The following DYM variants were observed in gnomAD, a reference collection of about 807,000 sequenced individuals.
DYM encodes the protein dyggve-Melchior-Clausen syndrome protein.
DYM carries 78 observed loss-of-function variants against 93.1 expected under a neutral mutation model. The ratio of observed to expected loss-of-function variants is 0.84; its 90% CI spans 0.70 to 1.01. The LOEUF (loss-of-function observed/expected upper bound fraction) is 1.01. DYM is among the 50% of genes least tolerant of loss of function. The probability of loss-of-function intolerance (pLI) is 0.00; values close to 1 mark genes in which losing one functional copy is unlikely to be tolerated. For synonymous variants in DYM, 321 were observed against 319.7 expected, an observed-to-expected ratio of 1.00 and a Z score of -0.04; for missense variants, 789 against 845.0, an observed-to-expected ratio of 0.93 and a Z score of 0.82.
At chr18:49,215,397 G>A (rs2092984673) in intron 13 of DYM, among the ~76,000 whole-genome samples, 1 of 152,182 alleles carries the variant, frequency 6.6e-6, no homozygotes, top group Non-Finnish European at 1.5e-5. Context: ...ATTGAGAATT[G>A]CTGGTGCATG....
intron 17 of DYM, 105 bp from the exon 18 acceptor site, chr18:49,044,309 C>A (rs1272430897): frequency 2.4e-6 from 3 of 1,231,344 alleles, no homozygotes; most frequent in East Asian, 2.3e-5. Context: ...CCCACCCACC[C>A]CTGCCAACTG....
intron 8 of DYM, among the ~76,000 whole-genome samples, chr18:49,331,601 T>C (rs1401098591): frequency 6.6e-6 from 1 of 152,268 alleles, no homozygotes; most frequent in Non-Finnish European, 1.5e-5. Flanking sequence ...CTACAATTCA[T>C]GCAATACGCA....
At position 49,104,322 on chromosome 18, in the gene DYM, C is replaced by T. The variant is rs562217098; in HGVS notation, c.1912-6807G>A. Among the ~76,000 whole-genome samples the T allele has an allele frequency of 2.6e-4, 39 of 152,090 alleles. No homozygotes were observed. In the South Asian group the frequency reaches 3.1e-3, roughly 12 times the overall value. On this transcript the variant is annotated intron_variant, in intron 16 of 17. Coordinates refer to ENST00000675505, the MANE Select transcript of DYM (RefSeq NM_001353214.3). ...TTGAGGAGATTTTGGGCTGAGATGA[C>T]GGGGTTTTCTAGATATACAATCATG...
At chr18:49,147,072 C>T (rs2085241109) in intron 15 of DYM, among the ~76,000 whole-genome samples, 2 of 152,040 alleles carry the variant, frequency 1.3e-5, no homozygotes, top group South Asian at 4.2e-4. Flanking sequence ...CTTTGACAAA[C>T]CTGACAAAAA....
chr18:49,421,126 G>A (rs112037018), intron 2 of DYM, among the ~76,000 whole-genome samples: 26 of 152,322 alleles, frequency 1.7e-4, no homozygotes, highest in African/African-American at 5.8e-4. Context: ...AAATGTCCAT[G>A]TCTGACAGCT....
intron 15 of DYM, among the ~76,000 whole-genome samples, chr18:49,148,024 T>C (rs2144652452): frequency 6.6e-6 from 1 of 152,292 alleles, no homozygotes; most frequent in East Asian, 1.9e-4. Flanking sequence ...TAAAAAAGGA[T>C]GAGTTCATGT....
At chr18:49,382,508 T>A (rs1459551692) in intron 3 of DYM, among the ~76,000 whole-genome samples, 3 of 152,224 alleles carry the variant, frequency 2.0e-5, no homozygotes, top group Non-Finnish European at 4.4e-5. Context: ...TGATCACAGT[T>A]AATTGGTGCA....
intron 8 of DYM, among the ~76,000 whole-genome samples, chr18:49,293,274 G>T (rs965933722): frequency 1.3e-5 from 2 of 152,150 alleles, no homozygotes; most frequent in African/African-American, 2.4e-5. Flanking sequence ...GAATAGTGCT[G>T]CAGTAAACAT....
chr18:49,176,574 CTTTTTT>C (rs36121103), intron 14 of DYM, among the ~76,000 whole-genome samples: 4 of 99,438 alleles, frequency 4.0e-5, no homozygotes, highest in African/African-American at 1.7e-4. Flanking sequence ...CCAAGCCTGG[CTTTTTT>C]TTTTTTTTTT....
intron 17 of DYM, among the ~76,000 whole-genome samples, chr18:49,073,805 A>G (rs1430879661): frequency 6.6e-6 from 1 of 152,064 alleles, no homozygotes; most frequent in Non-Finnish European, 1.5e-5. Context: ...TTCTTCTTCC[A>G]TGGTTTTGGA....
chr18:49,442,100 T>C (rs185201847), intron 1 of DYM, among the ~76,000 whole-genome samples: 56 of 152,194 alleles, frequency 3.7e-4, no homozygotes, highest in African/African-American at 1.3e-3. Flanking sequence ...ATTTAAAAAA[T>C]AGATCGTCAC....
At chr18:49,229,099 ATTAT>A (rs1359299356) in intron 13 of DYM, among the ~76,000 whole-genome samples, 4 of 151,270 alleles carry the variant, frequency 2.6e-5, no homozygotes, top group African/African-American at 9.7e-5. Context: ...ATGATTCTAT[ATTAT>A]TTATTATTTG....
At chr18:49,261,005 C>T (rs548441596) in intron 11 of DYM, among the ~76,000 whole-genome samples, 49 of 152,094 alleles carry the variant, frequency 3.2e-4, no homozygotes, top group Non-Finnish European at 4.9e-4. Context: ...TCCATGAAAT[C>T]AGGAAAACAG....
At chr18:49,437,288 T>TC (rs1454747548) in intron 1 of DYM, among the ~76,000 whole-genome samples, 1 of 152,200 alleles carries the variant, frequency 6.6e-6, no homozygotes, top group Non-Finnish European at 1.5e-5. Context: ...TATGACATAT[T>TC]CCTCTCTACT....
At chr18:49,081,065 G>A (rs1480133417) in intron 17 of DYM, among the ~76,000 whole-genome samples, 1 of 150,774 alleles carries the variant, frequency 6.6e-6, no homozygotes. Context: ...GACGATGGGC[G>A]GCCAGGCAGA....
chr18:49,402,026 CAAAAAAA>C (rs61550965), intron 2 of DYM, among the ~76,000 whole-genome samples: 1 of 104,680 alleles, frequency 9.6e-6, no homozygotes, highest in Admixed American at 1.0e-4. Flanking sequence ...AACTCTGTCT[CAAAAAAA>C]AAAAAAAAGA....
At chr18:49,442,135 C>G (rs953843868) in intron 1 of DYM, among the ~76,000 whole-genome samples, 1 of 152,092 alleles carries the variant, frequency 6.6e-6, no homozygotes, top group Non-Finnish European at 1.5e-5. Context: ...CACCACTCAA[C>G]AAAATCTACT....
intron 17 of DYM, among the ~76,000 whole-genome samples, chr18:49,074,595 A>T (rs1568376570): frequency 6.6e-6 from 1 of 152,192 alleles, no homozygotes; most frequent in Non-Finnish European, 1.5e-5. Flanking sequence ...AAAACGTTTG[A>T]TTCAAAACTA....
chr18:49,332,940 AG>A (rs1177243554), intron 7 of DYM, among the ~76,000 whole-genome samples: 1 of 152,140 alleles, frequency 6.6e-6, no homozygotes, highest in African/African-American at 2.4e-5. Flanking sequence ...TCTGTCAGAG[AG>A]GGTTCCAATG....
Sources: gnomAD v4.1 joint callset for allele counts (sites outside exome capture counted in the v4.1 genomes callset) on GRCh38, gnomAD v4.1.1 for gene constraint, MANE v1.5 for transcripts, NCBI Gene and HGNC (gene_info 2026-07-23, HGNC 2026-07-21) for gene names.